MOK: variants seen among roughly 807,000 people sequenced by gnomAD.
The protein encoded by MOK is MAPK/MAK/MRK overlapping kinase.
In MOK, 59 loss-of-function variants were observed where a neutral mutation model predicts 54.2. The ratio of observed to expected loss-of-function variants is 1.09; its 90% CI spans 0.88 to 1.35. MOK has a LOEUF of 1.35. Ranked by LOEUF, MOK falls within the 40% of genes most tolerant of loss-of-function variation. The pLI, the probability that MOK is intolerant of heterozygous loss-of-function variation, is 0.00. For synonymous variants in MOK, 210 were observed against 202.7 expected (o/e 1.04, Z -0.31); for missense variants, 517 against 526.2 (o/e 0.98, Z 0.17).
chr14:102,273,899 T>C (rs2068606470), intron 2 of MOK, among the ~76,000 whole-genome samples: 1 of 152,170 alleles, frequency 6.6e-6, no homozygotes, highest in Non-Finnish European at 1.5e-5. Flanking sequence ...ATGCATTCTC[T>C]CCCAAATTGA....
chr14:102,301,656 A>C (rs1243817779), intron 1 of MOK, among the ~76,000 whole-genome samples: 2 of 152,154 alleles, frequency 1.3e-5, no homozygotes, highest in African/African-American at 4.8e-5. Context: ...ATTGTTAACT[A>C]TTTTTAAATC....
downstream of MOK, among the ~76,000 whole-genome samples, chr14:102,223,851 C>T (rs11160676): frequency 0.17 from 25,683 of 152,026 alleles, 4,122 homozygotes; most frequent in African/African-American, 0.42. Context: ...CTGTGGTCGC[C>T]TCACAGCCTC....
In MOK at chr14:102,245,163, A is replaced by G. The variant is rs2065994932; in HGVS notation, c.590+5649T>C. The stretch of plus-strand genomic sequence containing the variant: ...AAAAAACACATCCAGGCCATCACCA[A>G]TCATTCTATATGACAAATGCTCCTT... On this transcript the variant is annotated intron_variant, in intron 7 of 11. Coordinates refer to ENST00000361847, the MANE Select transcript of MOK (RefSeq NM_014226.3). This position sits in a 1 kb window ranked among gnomAD's most constrained non-coding sequence, Gnocchi z 4.3. Among the ~76,000 whole-genome samples the G allele has an allele frequency of 6.6e-6, 1 of 151,978 alleles. No individual in the cohort carries two copies. The highest frequency in any genetic ancestry group is 6.5e-5 in the Admixed American group (1 of 15,272).
chr14:102,302,956 G>A (rs1436626981), intron 1 of MOK, among the ~76,000 whole-genome samples: 1 of 151,600 alleles, frequency 6.6e-6, no homozygotes, highest in East Asian at 1.9e-4. Context: ...GACGTCAGGA[G>A]TTTGAGACCA....
At chr14:102,302,293 G>C (rs553449483) in intron 1 of MOK, among the ~76,000 whole-genome samples, 5 of 149,748 alleles carry the variant, frequency 3.3e-5, no homozygotes, top group Admixed American at 1.3e-4. Flanking sequence ...GGCTGGTCTC[G>C]AACTCCTGAC....
chr14:102,275,223 A>G (rs774143310), intron 2 of MOK, among the ~76,000 whole-genome samples: 1 of 152,082 alleles, frequency 6.6e-6, no homozygotes, highest in Non-Finnish European at 1.5e-5. Context: ...CATTTGGGGG[A>G]AAAAACTGAT....
Position 102,250,987 on chromosome 14 carries a change from C to A in MOK, c.415G>T (p.Asp139Tyr). Reference sequence around the variant, plus strand: ...CCAAAGTCCCCTAATTTCAGGACATCCTGCTGGAAGGGGAAAGAAGCAAGG... The same window carrying A: ...CCAAAGTCCCCTAATTTCAGGACATACTGCTGGAAGGGGAAAGAAGCAAGG... ...VKPENILIKQ[D>Y]VLKLGDFGSC... Residue 139 changes from aspartate to tyrosine, a missense_variant, in exon 7 of 12, where the codon GAT becomes TAT. Asp to Tyr is a radical substitution (Grantham distance 160). Coordinates refer to ENST00000361847, the MANE Select transcript of MOK (RefSeq NM_014226.3). 2 of 1,613,844 alleles carry A rather than the reference C, an allele frequency of 1.2e-6. No individual in the cohort carries two copies.
At chr14:102,243,871 A>G (rs2065898398) in intron 7 of MOK, among the ~76,000 whole-genome samples, 1 of 152,208 alleles carries the variant, frequency 6.6e-6, no homozygotes, top group Non-Finnish European at 1.5e-5. Flanking sequence ...GCTATGCTAT[A>G]GTATCTTCCA....
chr14:102,282,381 TCA>T (rs955450158), intron 2 of MOK, among the ~76,000 whole-genome samples: 4 of 152,056 alleles, frequency 2.6e-5, no homozygotes, highest in Non-Finnish European at 5.9e-5. Context: ...ATTAATTTAT[TCA>T]CAGTTAGTTA....
chr14:102,229,634 C>T lies in MOK; in HGVS notation c.1005G>A (p.Glu335=). ...CCGGTCCTCGTCTCTTGGGACGGTCCTCCTCTTGCTTTAGGGACTGTTTCT... is the reference window on the plus strand; with the variant it reads ...CCGGTCCTCGTCTCTTGGGACGGTCTTCCTCTTGCTTTAGGGACTGTTTCT... ...RKQKQSLKQE[E]DRPKRRGPAY... is the part of the protein sequence containing the mutation. The change falls in exon 11 of 12, where the codon GAG becomes GAA. Residue 335 remains glutamate (E), a synonymous_variant. Transcript: ENST00000361847. 6.2e-7 allele frequency: 1 copy of T among 1,612,464 alleles called. No individual in the cohort carries two copies. The highest frequency in any genetic ancestry group is 8.5e-7 in the Non-Finnish European group (1 of 1,178,840).
downstream of MOK, chr14:102,226,411 G>C (rs773702398): frequency 8.5e-6 from 6 of 702,934 alleles, no homozygotes; most frequent in South Asian, 8.9e-5. The surrounding 1 kb of genome is among the most constrained non-coding windows in gnomAD (Gnocchi z 4.8). Flanking sequence ...TCTGGGTTCT[G>C]TGGGGATAAT....
intron 1 of MOK, among the ~76,000 whole-genome samples, chr14:102,303,386 T>C (rs1452117509): frequency 2.6e-5 from 4 of 152,130 alleles, no homozygotes; most frequent in African/African-American, 9.7e-5. Context: ...TGCAAAACAC[T>C]GGGCTGGATT....
intron 2 of MOK, among the ~76,000 whole-genome samples, chr14:102,278,303 G>T (rs1413545587): frequency 6.6e-6 from 1 of 151,288 alleles, no homozygotes; most frequent in East Asian, 1.9e-4. Flanking sequence ...TAGCAGGGAT[G>T]TTGATTCTGG....
At chr14:102,220,057 C>A (rs1016130805), downstream of MOK, among the ~76,000 whole-genome samples, 1 of 152,226 alleles carries the variant, frequency 6.6e-6, no homozygotes, top group Non-Finnish European at 1.5e-5. This position sits in a 1 kb window ranked among gnomAD's most constrained non-coding sequence, Gnocchi z 4.2. Context: ...GCAGCCCTCG[C>A]GTTGGGTCGC....
chr14:102,267,728 G>T (rs1363186649), intron 2 of MOK, among the ~76,000 whole-genome samples: 1 of 152,056 alleles, frequency 6.6e-6, no homozygotes, highest in Admixed American at 6.6e-5. Context: ...TTTGTATCCT[G>T]TATTTCCTCC....
rs941758972 is a variant in MOK, at chr14:102,230,800, C to A, written c.981+907G>T. 6.6e-6 allele frequency: 1 copy of A among 152,350 alleles called. No homozygotes were observed. The highest frequency in any genetic ancestry group is 1.5e-5 in the Non-Finnish European group (1 of 68,160). 9.4% of individuals were successfully genotyped at this position (152,350 alleles called of 1,614,324 possible). On this transcript the variant is annotated intron_variant, in intron 10 of 11. Coordinates refer to ENST00000361847, the MANE Select transcript of MOK (RefSeq NM_014226.3). The surrounding 1 kb of genome is among the most constrained non-coding windows in gnomAD (Gnocchi z 4.1). ...GGGGCCTGGGCAGTTGACGGAGTTG[C>A]CTCCCTCGGAGGGAAGGCCATGGGA...
chr14:102,232,863 G>C lies in MOK; in HGVS notation c.693-155C>G. 3.4e-6 allele frequency: 2 copies of C among 590,712 alleles called. No homozygotes were observed. Among genetic ancestry groups the C allele is most frequent in the East Asian group, 5.8e-5 (2 of 34,574 alleles). 36.6% of individuals were successfully genotyped at this position (590,712 alleles called of 1,614,324 possible). A position where few individuals can be genotyped will look rare whatever the true frequency, so the allele number is the denominator to read the frequency against. On this transcript the variant is annotated intron_variant, in intron 8 of 11. Coordinates refer to ENST00000361847, the MANE Select transcript of MOK (RefSeq NM_014226.3). The surrounding 1 kb of genome is among the most constrained non-coding windows in gnomAD (Gnocchi z 5.1). ...CCACAGAACGTGCACCACCAAGAGG[G>C]ACCCCTGATGTAAATGATGGGCTCT...
At chr14:102,291,699 G>A (rs1241791590) in intron 1 of MOK, among the ~76,000 whole-genome samples, 1 of 152,190 alleles carries the variant, frequency 6.6e-6, no homozygotes, top group African/African-American at 2.4e-5. Context: ...GCTCACACCT[G>A]TAATCCCAGC....
intron 4 of MOK, among the ~76,000 whole-genome samples, chr14:102,259,726 T>C (rs1182910763): frequency 6.6e-6 from 1 of 152,140 alleles, no homozygotes; most frequent in Admixed American, 6.5e-5. Flanking sequence ...CATGCCTCAA[T>C]GTCCTCATGT....
Sources: allele counts gnomAD v4.1 joint callset (sites outside exome capture counted in the v4.1 genomes callset), GRCh38; gene constraint gnomAD v4.1.1; non-coding constraint Gnocchi (gnomAD v3.1); transcripts MANE v1.5; gene names NCBI Gene and HGNC (gene_info 2026-07-23, HGNC 2026-07-21).